Variants in GABPA observed in about 807,000 individuals in gnomAD.
GABPA encodes GA-binding protein alpha chain.
In GABPA, 4 loss-of-function variants were observed where a neutral mutation model predicts 59.4. That is an observed-to-expected ratio of 0.07 (90% CI 0.03 to 0.15). The LOEUF (loss-of-function observed/expected upper bound fraction) is 0.15, where lower values mean the gene tolerates loss of function less well. GABPA is among the 10% of genes least tolerant of loss of function. The pLI, the probability that GABPA is intolerant of heterozygous loss-of-function variation, is 1.00. For missense variants in GABPA, 251 were observed against 543.8 expected, an observed-to-expected ratio of 0.46 and a Z score of 5.36; for synonymous variants, 164 against 183.1, an observed-to-expected ratio of 0.90 and a Z score of 0.84.
rs1047433892 is a variant in GABPA at position 25,769,932 on chromosome 21, A to G, written c.*700A>G. 1 of 152,618 alleles carries G rather than the reference A, an allele frequency of 6.6e-6. No homozygotes were observed. Among genetic ancestry groups the G allele is most frequent in the African/African-American group, 2.4e-5 (1 of 41,450 alleles). 9.5% of individuals were successfully genotyped at this position (152,618 alleles called of 1,614,324 possible). ...TACTCATGTCAGACCAAGAATTTAAATTATTTTGAGAGAGGCATTTAATTC... is the reference window on the plus strand; with the variant it reads ...TACTCATGTCAGACCAAGAATTTAAGTTATTTTGAGAGAGGCATTTAATTC... On this transcript the variant is annotated 3_prime_UTR_variant, in exon 10 of 10. Transcript: ENST00000400075.
intron 1 of GABPA, among the ~76,000 whole-genome samples, chr21:25,738,398 G>A (rs1186439195): frequency 6.6e-6 from 1 of 151,712 alleles, no homozygotes; most frequent in Non-Finnish European, 1.5e-5. Flanking sequence ...CCTTTTTTTG[G>A]TTATCAAATT....
At chr21:25,753,771 G>A (rs780348640) in intron 5 of GABPA, among the ~76,000 whole-genome samples, 39 of 152,170 alleles carry the variant, frequency 2.6e-4, no homozygotes, top group Non-Finnish European at 4.3e-4. Flanking sequence ...AGAGTTGGCG[G>A]GGACCTGAGT....
intron 6 of GABPA, among the ~76,000 whole-genome samples, chr21:25,759,893 C>T (rs1443927945): frequency 2.0e-5 from 3 of 152,144 alleles, no homozygotes; most frequent in African/African-American, 7.2e-5. Flanking sequence ...ACGTTTTTTC[C>T]AGTCTTTCCC....
intron 8 of GABPA, 73 bp from the exon 9 acceptor site, chr21:25,764,522 A>G (rs937600287): frequency 6.8e-6 from 10 of 1,472,902 alleles, no homozygotes; most frequent in Admixed American, 4.0e-5. Context: ...AAACCACGGG[A>G]CCAGTTTGTT....
chr21:25,737,224 G>A (rs2035096355), intron 1 of GABPA, among the ~76,000 whole-genome samples: 1 of 152,190 alleles, frequency 6.6e-6, no homozygotes, highest in African/African-American at 2.4e-5. Context: ...GTTCTGGCGG[G>A]GGCAGCCCTT....
chr21:25,748,900 A>G (rs1026905379), intron 3 of GABPA, 136 bp from the exon 4 acceptor site: 1 of 644,562 alleles, frequency 1.6e-6, no homozygotes, highest in Non-Finnish European at 2.8e-6. Context: ...CAAGCTAAAT[A>G]ATGTGTTCTT....
Position 25,764,250 on chromosome 21 carries a change from T to G in GABPA, c.843T>G (p.Pro281=). 6.2e-7 allele frequency: 1 copy of G among 1,611,276 alleles called. No individual in the cohort carries two copies. The highest frequency in any genetic ancestry group is 8.5e-7 in the Non-Finnish European group (1 of 1,178,702). Residue 281 remains proline, a synonymous_variant, in exon 8 of 10, where the codon CCT becomes CCG. Transcript: ENST00000400075. ...IIPASVQSAT[P]TTIKVINSSA... ...CAGCATCAGTGCAATCTGCTACACC[T>G]ACTACCATTAAAGTTATAAATAGTA...
chr21:25,735,132 G>A lies in GABPA; in HGVS notation c.-473G>A, dbSNP rs537398391. The A allele has an allele frequency of 4.3e-6, 3 of 690,276 alleles. No homozygotes were observed. Among genetic ancestry groups the A allele is most frequent in the African/African-American group, 3.5e-5 (2 of 56,836 alleles). The allele number at this position is 690,276 out of a possible 1,614,324, so 42.8% of individuals were successfully genotyped here. A position where few individuals can be genotyped will look rare whatever the true frequency, so the allele number is the denominator to read the frequency against. ...ATCTTTTCTTCGCCTAATTTGACCC[G>A]TTCTTTTTCCCCTCCTTGAAACCTT... On this transcript the variant is annotated 5_prime_UTR_variant, in exon 1 of 10. Coordinates refer to ENST00000400075, the MANE Select transcript of GABPA (RefSeq NM_002040.4).
Position 25,762,324 on chromosome 21 carries a change from G to C in GABPA, c.761G>C (p.Ser254Thr). Residue 254 changes from serine (S) to threonine (T), a missense_variant, in exon 7 of 10, where the codon AGT becomes ACT. By Grantham distance (58) the Ser-to-Thr change is moderately conservative. Around this residue, in one of 4 missense-constraint regions of GABPA, gnomAD observed 207 missense variants for 366.7 expected, o/e 0.56. Transcript: ENST00000400075. ...LELLRKYVLA[S>T]QEQQMNEIVT... ...TTGTTTTTTTCAGATGTATTGGCAAGTCAAGAACAACAGATGAATGAAATA... is the reference window on the plus strand; with the variant it reads ...TTGTTTTTTTCAGATGTATTGGCAACTCAAGAACAACAGATGAATGAAATA... The C allele has an allele frequency of 6.4e-7, 1 of 1,571,852 alleles. No individual in the cohort carries two copies. Among genetic ancestry groups the C allele is most frequent in the Non-Finnish European group, 8.6e-7 (1 of 1,159,300 alleles).
rs1334929951 is a variant in GABPA, at chr21:25,770,012, G to T, written c.*780G>T. On this transcript the variant is annotated 3_prime_UTR_variant, in exon 10 of 10. Coordinates refer to ENST00000400075, the MANE Select transcript of GABPA (RefSeq NM_002040.4). ...AATGATCTCTGTTTTTCCTGTCAGA[G>T]ATTTAAAAAACTGAAAAGGTATACC... The T allele has an allele frequency of 1.3e-5, 2 of 152,626 alleles. No individual in the cohort carries two copies. Among genetic ancestry groups the T allele is most frequent in the Admixed American group, 6.5e-5 (1 of 15,282 alleles). The allele number at this position is 152,626 out of a possible 1,614,324, so 9.5% of individuals were successfully genotyped here. A position where few individuals can be genotyped will look rare whatever the true frequency, so the allele number is the denominator to read the frequency against.
chr21:25,753,652 G>T (rs2035566348), intron 5 of GABPA, among the ~76,000 whole-genome samples: 2 of 152,148 alleles, frequency 1.3e-5, no homozygotes, highest in African/African-American at 4.8e-5. Context: ...TTAGACAGAA[G>T]TAACTAGAGT....
rs1186592564 is a variant in GABPA, at chr21:25,769,203, G to T, written c.1336G>T (p.Ala446Ser). 7 of 1,601,738 alleles carry T rather than the reference G, an allele frequency of 4.4e-6. No homozygotes were observed. In the South Asian group the frequency reaches 7.7e-5, roughly 18 times the overall value. ...QPVTAVALAT[A>S]SLQTEKDN ...AGTCACAGCAGTAGCTCTGGCTACT[G>T]CTTCTCTGCAAACGGAAAAGGATAA... Residue 446 changes from alanine (A) to serine (S), a missense_variant, in exon 10 of 10, where the codon GCT becomes TCT. Around this residue, in one of 4 missense-constraint regions of GABPA, gnomAD observed 23 missense variants for 60.7 expected, o/e 0.38. Coordinates refer to ENST00000400075, the MANE Select transcript of GABPA (RefSeq NM_002040.4).
chr21:25,737,700 T>C (rs1444289983), intron 1 of GABPA, among the ~76,000 whole-genome samples: 1 of 152,206 alleles, frequency 6.6e-6, no homozygotes, highest in East Asian at 1.9e-4. Flanking sequence ...TTTTTCTATC[T>C]TGCCAAAGTT....
At chr21:25,764,150 T>C in intron 7 of GABPA, 60 bp from the exon 8 acceptor site, 2 of 547,708 alleles carry the variant, frequency 3.7e-6, no homozygotes, top group South Asian at 8.5e-5. Context: ...CTTTCAGTAA[T>C]TTTTTTTTTT....
At chr21:25,756,301 G>C (rs1391855552) in intron 5 of GABPA, among the ~76,000 whole-genome samples, 1 of 152,132 alleles carries the variant, frequency 6.6e-6, no homozygotes, top group Non-Finnish European at 1.5e-5. Flanking sequence ...TTTTCAAGTA[G>C]TATAGTACTC....
chr21:25,750,957 A>T (rs1324725677), intron 4 of GABPA, among the ~76,000 whole-genome samples: 3 of 152,216 alleles, frequency 2.0e-5, no homozygotes, highest in Non-Finnish European at 2.9e-5. Context: ...TGATAGTAGT[A>T]GTTTCTTGCA....
intron 1 of GABPA, among the ~76,000 whole-genome samples, chr21:25,737,996 T>C (rs2035124068): frequency 6.6e-6 from 1 of 152,236 alleles, no homozygotes; most frequent in African/African-American, 2.4e-5. Flanking sequence ...CTGTCACCAA[T>C]AAAGCTGCCC....
chr21:25,742,939 A>G (rs1422902826), intron 2 of GABPA, among the ~76,000 whole-genome samples: 1 of 152,096 alleles, frequency 6.6e-6, no homozygotes, highest in African/African-American at 2.4e-5. Context: ...TCTCAAAAAA[A>G]AAAAAAAAGC....
At chr21:25,735,893 C>T (rs2035038280) in intron 1 of GABPA, among the ~76,000 whole-genome samples, 8 of 152,186 alleles carry the variant, frequency 5.3e-5, no homozygotes, top group Admixed American at 5.2e-4. Context: ...CCCCTCCTCG[C>T]CCGTCCGCAC....
Sources: allele counts gnomAD v4.1 joint callset (sites outside exome capture counted in the v4.1 genomes callset), GRCh38; gene constraint gnomAD v4.1.1; regional missense constraint gnomAD v4.1.1; transcripts MANE v1.5; gene names NCBI Gene and HGNC (gene_info 2026-07-23, HGNC 2026-07-21).